The following PITPNM3 variants were observed in gnomAD, a reference collection of about 807,000 sequenced individuals.
PITPNM3 encodes PITPNM family member 3, also known as membrane-associated phosphatidylinositol transfer protein 3.
In PITPNM3, 26 loss-of-function variants were observed where a neutral mutation model predicts 102.0. That is an observed-to-expected ratio of 0.25 (90% confidence interval 0.19 to 0.35). PITPNM3 has a LOEUF of 0.35. PITPNM3 is among the 10% of genes least tolerant of loss of function. The pLI is 1.00. For missense variants in PITPNM3, 1,083 were observed against 1,346.1 expected, an observed-to-expected ratio of 0.80 and a Z score of 3.06; for synonymous variants, 578 against 558.6, an observed-to-expected ratio of 1.03 and a Z score of -0.49.
intron 2 of PITPNM3, among the ~76,000 whole-genome samples, chr17:6,528,244 GCTCTCT>G (rs1248275442): frequency 6.6e-6 from 1 of 152,088 alleles, no homozygotes; most frequent in Non-Finnish European, 1.5e-5. Flanking sequence ...GCATTGCCTT[GCTCTCT>G]TCTCACCCCA....
At chr17:6,499,719 TA>T (rs1907057159) in intron 4 of PITPNM3, among the ~76,000 whole-genome samples, 1 of 151,884 alleles carries the variant, frequency 6.6e-6, no homozygotes, top group Non-Finnish European at 1.5e-5. Flanking sequence ...TTTATTTATT[TA>T]TTTATTTATT....
intron 9 of PITPNM3, among the ~76,000 whole-genome samples, chr17:6,475,227 T>A (rs1190750866): frequency 6.6e-6 from 1 of 152,068 alleles, no homozygotes; most frequent in South Asian, 2.1e-4. Context: ...AGCCCACAGA[T>A]GAAGCAGAGC....
chr17:6,518,210 A>G (rs969137648), intron 3 of PITPNM3, among the ~76,000 whole-genome samples: 2 of 152,186 alleles, frequency 1.3e-5, no homozygotes, highest in African/African-American at 4.8e-5. Context: ...ATTCTTGTAC[A>G]TGGCTCTCAA....
intron 10 of PITPNM3, among the ~76,000 whole-genome samples, chr17:6,474,183 A>C (rs1207616191): frequency 6.4e-4 from 97 of 151,902 alleles, no homozygotes; most frequent in Non-Finnish European, 1.2e-4. Flanking sequence ...TGAGGCCACA[A>C]AGCAGCCAGG....
intron 1 of PITPNM3, among the ~76,000 whole-genome samples, chr17:6,549,859 G>C (rs1910215365): frequency 6.6e-6 from 1 of 152,150 alleles, no homozygotes. Flanking sequence ...CCTGGCTGCA[G>C]ACCTGGTGAT....
chr17:6,541,312 T>TGTGTGC (rs1909720383), intron 1 of PITPNM3, among the ~76,000 whole-genome samples: 1 of 151,804 alleles, frequency 6.6e-6, no homozygotes, highest in Non-Finnish European at 1.5e-5. Context: ...TGTGTGTGTG[T>TGTGTGC]GTGTATGCAC....
chr17:6,505,045 A>T (rs1907405801), intron 3 of PITPNM3, among the ~76,000 whole-genome samples: 1 of 151,862 alleles, frequency 6.6e-6, no homozygotes, highest in Non-Finnish European at 1.5e-5. Flanking sequence ...GTGGTGGCGC[A>T]TATCTATAAT....
intron 4 of PITPNM3, among the ~76,000 whole-genome samples, chr17:6,492,801 G>A (rs904610975): frequency 2.0e-5 from 3 of 151,964 alleles, no homozygotes; most frequent in Non-Finnish European, 4.4e-5. Flanking sequence ...AGGTTGCAGT[G>A]AACAGAGATC....
intron 1 of PITPNM3, among the ~76,000 whole-genome samples, chr17:6,541,430 G>A (rs1006724715): frequency 2.0e-5 from 3 of 152,036 alleles, no homozygotes; most frequent in African/African-American, 7.2e-5. Flanking sequence ...AGCTTGGTGT[G>A]TCCAAGGGGC....
At position 6,523,468 on chromosome 17, in the gene PITPNM3, C is replaced by T. The variant is rs114845360; in HGVS notation, c.226+1888G>A. 6.0e-3 allele frequency among the ~76,000 whole-genome samples: 921 copies of T among 152,296 alleles called. 14 individuals carry two copies. The highest frequency in any genetic ancestry group is 0.021 in the African/African-American group (875 of 41,554). On this transcript the variant is annotated intron_variant, in intron 3 of 19. Coordinates refer to ENST00000262483, the MANE Select transcript of PITPNM3 (RefSeq NM_031220.4). ...TCCTGGACCTCCCGCTGTGCTTCCT[C>T]GTCCCCTGCCCTCCAGTGCCCTCCC...
intron 10 of PITPNM3, chr17:6,473,121 T>C (rs1359889843): frequency 4.4e-6 from 2 of 451,098 alleles, no homozygotes; most frequent in African/African-American, 4.0e-5. Context: ...TTGTGGGCCC[T>C]CCCTCCCCCA....
At chr17:6,519,065 T>C (rs910199440) in intron 3 of PITPNM3, among the ~76,000 whole-genome samples, 2 of 151,936 alleles carry the variant, frequency 1.3e-5, no homozygotes, top group Admixed American at 6.6e-5. Flanking sequence ...AGGCCGGGCA[T>C]GGTGGCTCAT....
chr17:6,500,020 C>T (rs1907080719), intron 4 of PITPNM3, among the ~76,000 whole-genome samples: 1 of 152,144 alleles, frequency 6.6e-6, no homozygotes, highest in Non-Finnish European at 1.5e-5. Context: ...CATGAGCCAC[C>T]GCACCTGGCA....
intron 3 of PITPNM3, among the ~76,000 whole-genome samples, chr17:6,520,375 C>T (rs777856223): frequency 1.8e-4 from 27 of 152,196 alleles, no homozygotes; most frequent in Non-Finnish European, 2.8e-4. Context: ...ATTCCAATGT[C>T]TATCACTGCA....
At chr17:6,485,301 G>A (rs1906020047) in intron 4 of PITPNM3, among the ~76,000 whole-genome samples, 2 of 151,756 alleles carry the variant, frequency 1.3e-5, no homozygotes, top group Admixed American at 1.3e-4. Context: ...TGGGATTACA[G>A]GTGTGTGCCA....
At chr17:6,500,786 C>T (rs2150604439) in intron 4 of PITPNM3, among the ~76,000 whole-genome samples, 1 of 152,064 alleles carries the variant, frequency 6.6e-6, no homozygotes. Context: ...AGCAATTCTT[C>T]TGCCTCAGCC....
chr17:6,535,484 T>C (rs1299376193), intron 2 of PITPNM3, among the ~76,000 whole-genome samples: 1 of 152,098 alleles, frequency 6.6e-6, no homozygotes, highest in Non-Finnish European at 1.5e-5. Flanking sequence ...AGGTGGATCC[T>C]GTGGCTTAGG....
chr17:6,531,581 G>A (rs942703040), intron 2 of PITPNM3, among the ~76,000 whole-genome samples: 18 of 152,210 alleles, frequency 1.2e-4, no homozygotes, highest in African/African-American at 4.1e-4. Context: ...CCTGCACTAC[G>A]GACTCTGAGT....
Position 6,457,520 on chromosome 17 carries a change from G to T in PITPNM3, c.2619+74C>A. On this transcript the variant is annotated intron_variant, in intron 19 of 19. Transcript: ENST00000262483. This position sits in a 1 kb window ranked among gnomAD's most constrained non-coding sequence, Gnocchi z 4.7. ...TGAACAAATGAATGAATGAATGAAT[G>T]AAGTGCTTACTCCCTCTATCCCTTT... is the stretch of plus-strand genomic sequence containing the variant. The T allele has an allele frequency of 2.5e-6, 4 of 1,591,146 alleles. No individual in the cohort carries two copies. The highest frequency in any genetic ancestry group is 3.4e-6 in the Non-Finnish European group (4 of 1,163,846).
Sources: gnomAD v4.1 joint callset for allele counts (sites outside exome capture counted in the v4.1 genomes callset) on GRCh38, gnomAD v4.1.1 for gene constraint, Gnocchi (gnomAD v3.1) non-coding constraint, MANE v1.5 for transcripts, NCBI Gene and HGNC (gene_info 2026-07-23, HGNC 2026-07-21) for gene names.